SHLD1: variants seen among roughly 807,000 people sequenced by gnomAD.
SHLD1 encodes the protein RINN1-REV7-interacting novel NHEJ regulator 3.
SHLD1 carries 3 observed loss-of-function variants against 5.5 expected under a neutral mutation model. The observed-to-expected ratio is 0.54, with a 90% CI of 0.25 to 1.40. The LOEUF (loss-of-function observed/expected upper bound fraction) is 1.40, where lower values mean the gene tolerates loss of function less well. Among genes scored for constraint, SHLD1 ranks in the 40% most tolerant of loss-of-function variants. The pLI is 0.15. For missense variants in SHLD1, 210 were observed against 244.4 expected, an observed-to-expected ratio of 0.86 and a Z score of 0.94; for synonymous variants, 92 against 94.3, an observed-to-expected ratio of 0.98 and a Z score of 0.14.
At chr20:5,760,675 A>G (rs1430744210) in intron 1 of SHLD1, among the ~76,000 whole-genome samples, 1 of 151,962 alleles carries the variant, frequency 6.6e-6, no homozygotes, top group Non-Finnish European at 1.5e-5. Context: ...CCTGGGCGAC[A>G]GAGCGAGACT....
intron 2 of SHLD1, among the ~76,000 whole-genome samples, chr20:5,812,852 C>G (rs34202573): frequency 6.6e-6 from 1 of 151,738 alleles, no homozygotes; most frequent in Non-Finnish European, 1.5e-5. Context: ...GGCTCTCCCT[C>G]TCTTTAAGGG....
At chr20:5,764,158 T>TATATATATATATTTTTA (rs1568490077) in intron 1 of SHLD1, among the ~76,000 whole-genome samples, 5 of 72,048 alleles carry the variant, frequency 6.9e-5, no homozygotes, top group African/African-American at 2.6e-4. Flanking sequence ...ATATTTATAT[T>TATATATATATATTTTTA]TATATATATA....
chr20:5,796,750 G>T (rs1359133254), intron 2 of SHLD1, among the ~76,000 whole-genome samples: 1 of 151,142 alleles, frequency 6.6e-6, no homozygotes, highest in Non-Finnish European at 1.5e-5. Context: ...GATTGCTTGA[G>T]CCCAAGAGGC....
intron 2 of SHLD1, among the ~76,000 whole-genome samples, chr20:5,813,284 T>C (rs2087484647): frequency 6.6e-6 from 1 of 151,590 alleles, no homozygotes; most frequent in Admixed American, 6.6e-5. Flanking sequence ...GCTAAGGAGT[T>C]CAAAACCAGC....
intron 2 of SHLD1, among the ~76,000 whole-genome samples, chr20:5,783,223 T>TTTG (rs370000931): frequency 0.011 from 1,623 of 152,152 alleles, 33 homozygotes; most frequent in African/African-American, 0.037. Flanking sequence ...ATTTGGGGTT[T>TTTG]TTGTTGTTGT....
chr20:5,842,350 C>A (rs2087874452), intron 2 of SHLD1, among the ~76,000 whole-genome samples: 1 of 152,156 alleles, frequency 6.6e-6, no homozygotes, highest in Non-Finnish European at 1.5e-5. Flanking sequence ...GATATAAGGG[C>A]AATCTGGGTA....
At position 5,863,071 on chromosome 20, in the gene SHLD1, A is replaced by T. The variant is rs1257549120; in HGVS notation, c.226A>T (p.Asn76Tyr). ...IEQNNSWTAE[N>Y]FWLDPAVKGQ... is the part of the protein sequence containing the mutation. Reference sequence around the variant, plus strand: ...ACAAAATAACTCCTGGACCGCTGAGAACTTCTGGCTTGACCCTGCTGTGAA... The same window carrying T: ...ACAAAATAACTCCTGGACCGCTGAGTACTTCTGGCTTGACCCTGCTGTGAA... The change falls in exon 3 of 3, where the codon AAC becomes TAC. Residue 76 changes from asparagine (N) to tyrosine (Y), a missense_variant. Asn to Tyr is a moderately radical substitution (Grantham distance 143). Transcript: ENST00000303142. The T allele has an allele frequency of 2.5e-6, 4 of 1,613,752 alleles. No homozygotes were observed. The highest frequency in any genetic ancestry group is 3.4e-6 in the Non-Finnish European group (4 of 1,179,916).
intron 1 of SHLD1, among the ~76,000 whole-genome samples, chr20:5,755,189 G>A (rs1347387107): frequency 1.3e-5 from 2 of 152,190 alleles, no homozygotes; most frequent in African/African-American, 4.8e-5. Context: ...CTCTTACAAG[G>A]CCTTAAAAGA....
At chr20:5,777,588 TA>T (rs140837106) in intron 2 of SHLD1, among the ~76,000 whole-genome samples, 12 of 141,322 alleles carry the variant, frequency 8.5e-5, no homozygotes, top group South Asian at 2.3e-4. Context: ...CCTAGCTAAT[TA>T]AAAAAAATTT....
chr20:5,773,158 T>A (rs1568495178), intron 2 of SHLD1, 115 bp downstream of exon 2: 1 of 1,228,158 alleles, frequency 8.1e-7, no homozygotes, highest in Non-Finnish European at 1.2e-6. Flanking sequence ...CTTCATTGTC[T>A]TAGGCAGAAA....
Position 5,782,363 on chromosome 20 carries a change from A to C in SHLD1, c.178+9320A>C, listed in dbSNP as rs568782462. Among the ~76,000 whole-genome samples, 12 of 152,314 alleles carry C rather than the reference A, an allele frequency of 7.9e-5. No homozygotes were observed. In the East Asian group the frequency reaches 2.3e-3, roughly 29 times the overall value. ...GAGCTTGATAAACTCTGGGTAGCTC[A>C]TGTGGCGTATCTCACCTGCACCCTC... is the stretch of plus-strand genomic sequence containing the variant. On this transcript the variant is annotated intron_variant, in intron 2 of 2. Coordinates refer to ENST00000303142, the MANE Select transcript of SHLD1 (RefSeq NM_152504.4).
At chr20:5,752,615 GT>G (rs776510495) in intron 1 of SHLD1, among the ~76,000 whole-genome samples, 252 of 120,594 alleles carry the variant, frequency 2.1e-3, no homozygotes, top group Non-Finnish European at 2.7e-3. Context: ...ATATTTTGGG[GT>G]TTTTTTTTTT....
intron 2 of SHLD1, among the ~76,000 whole-genome samples, chr20:5,790,586 G>A (rs1029876936): frequency 6.6e-6 from 1 of 151,440 alleles, no homozygotes; most frequent in African/African-American, 2.4e-5. Flanking sequence ...CTGAGAAGCT[G>A]GGATTACAGG....
chr20:5,770,765 C>T (rs999512838), intron 1 of SHLD1, among the ~76,000 whole-genome samples: 5 of 152,166 alleles, frequency 3.3e-5, no homozygotes, highest in Non-Finnish European at 7.3e-5. Flanking sequence ...TGATCAAATA[C>T]CAGGCAGATG....
chr20:5,799,629 C>T (rs1289307447), intron 2 of SHLD1, among the ~76,000 whole-genome samples: 5 of 151,962 alleles, frequency 3.3e-5, no homozygotes, highest in Non-Finnish European at 7.4e-5. Context: ...TTATCACAGG[C>T]CAGCTCAAAT....
chr20:5,775,185 C>T (rs1004558740), intron 2 of SHLD1, among the ~76,000 whole-genome samples: 1 of 152,044 alleles, frequency 6.6e-6, no homozygotes, highest in Admixed American at 6.6e-5. Context: ...ATTACAGGCT[C>T]ACATCACCAT....
chr20:5,810,050 A>C (rs1438346573), intron 2 of SHLD1, among the ~76,000 whole-genome samples: 1 of 151,988 alleles, frequency 6.6e-6, no homozygotes, highest in Non-Finnish European at 1.5e-5. Context: ...TGAAGTCAGG[A>C]GTTCTAGACC....
chr20:5,814,949 G>A (rs1004778929), intron 2 of SHLD1, among the ~76,000 whole-genome samples: 12 of 151,796 alleles, frequency 7.9e-5, no homozygotes, highest in East Asian at 3.9e-4. Flanking sequence ...CACTGCGCCC[G>A]GCCCCAAAAT....
intron 2 of SHLD1, among the ~76,000 whole-genome samples, chr20:5,811,525 A>G (rs1432065926): frequency 6.6e-6 from 1 of 152,022 alleles, no homozygotes; most frequent in Non-Finnish European, 1.5e-5. Context: ...GTCTTCTGGC[A>G]GTAGAATGGT....
Sources: gnomAD v4.1 joint callset for allele counts (sites outside exome capture counted in the v4.1 genomes callset) on GRCh38, gnomAD v4.1.1 for gene constraint, MANE v1.5 for transcripts, NCBI Gene and HGNC (gene_info 2026-07-23, HGNC 2026-07-21) for gene names.